The following TRAFD1 variants were observed in gnomAD, a reference collection of about 807,000 sequenced individuals.
The protein encoded by TRAFD1 is TRAF-type zinc finger domain-containing protein 1.
A neutral mutation model predicts 65.3 loss-of-function variants in TRAFD1; 38 were observed. The ratio of observed to expected loss-of-function variants is 0.58; its 90% CI spans 0.45 to 0.76. The LOEUF is 0.76. Ranked by LOEUF, TRAFD1 falls within the 30% of genes least tolerant of loss-of-function variation. TRAFD1 has a pLI of 0.00. For missense variants in TRAFD1, 631 were observed against 712.6 expected, an observed-to-expected ratio of 0.89 and a Z score of 1.30; for synonymous variants, 223 against 257.2, an observed-to-expected ratio of 0.87 and a Z score of 1.27.
intron 9 of TRAFD1, 149 bp from the exon 10 acceptor site, chr12:112,151,651 GC>G: frequency 1.4e-6 from 1 of 698,370 alleles, no homozygotes; most frequent in Non-Finnish European, 2.3e-6. Context: ...CCGCACCTCG[GC>G]CTCCCAAAGT....
intron 8 of TRAFD1, 116 bp downstream of exon 8, chr12:112,148,420 C>G: frequency 1.1e-6 from 1 of 875,076 alleles, no homozygotes; most frequent in East Asian, 2.5e-5. Flanking sequence ...GGAATGCACA[C>G]ACTTGGCTTC....
At chr12:112,149,901 C>T (rs560665923) in intron 9 of TRAFD1, 30 bp downstream of exon 9, 13 of 1,612,790 alleles carry the variant, frequency 8.1e-6, no homozygotes, top group East Asian at 6.7e-5. Context: ...CAGCCAAGGC[C>T]GCAGGTCTAC....
intron 6 of TRAFD1, among the ~76,000 whole-genome samples, 170 bp from the exon 7 acceptor site, chr12:112,145,416 T>G (rs2030210889): frequency 6.6e-6 from 1 of 152,162 alleles, no homozygotes; most frequent in Non-Finnish European, 1.5e-5. Flanking sequence ...GGCCTAGAGT[T>G]TATCTCTTGG....
chr12:112,151,097 G>A (rs1205457973), intron 9 of TRAFD1, among the ~76,000 whole-genome samples: 1 of 151,768 alleles, frequency 6.6e-6, no homozygotes, highest in Non-Finnish European at 1.5e-5. Context: ...AATTAGCCGG[G>A]CGTGGTGGCG....
rs1461362041 is a variant in TRAFD1, at chr12:112,137,084, G to A, written c.237+2018G>A. ...CTAAAAATACAAAAATTAGCTGGGC[G>A]TGGATACGCACGTCTGAAATCCCAG... is the stretch of plus-strand genomic sequence containing the variant. On this transcript the variant is annotated intron_variant, in intron 4 of 11. Transcript: ENST00000412615. The surrounding 1 kb of genome is among the most constrained non-coding windows in gnomAD (Gnocchi z 4.2). Among the ~76,000 whole-genome samples, 3 of 152,258 alleles carry A rather than the reference G, an allele frequency of 2.0e-5. No individual in the cohort carries two copies. The highest frequency in any genetic ancestry group is 2.1e-4 in the South Asian group (1 of 4,828).
intron 8 of TRAFD1, among the ~76,000 whole-genome samples, chr12:112,148,813 A>G (rs895357672): frequency 6.6e-6 from 1 of 152,190 alleles, no homozygotes; most frequent in Non-Finnish European, 1.5e-5. Context: ...TTTCTGCCCA[A>G]TCGTATATGT....
rs1191221362 is a variant in TRAFD1 at position 112,130,141 on chromosome 12, TG to T, written c.-12-369del. ...CCATGCCTGGGTAATTTTTTTTTTT[TG>T]TATTTTTTGTAGACATGACGTTACC... On this transcript the variant is annotated intron_variant, in intron 1 of 11. Coordinates refer to ENST00000412615, the MANE Select transcript of TRAFD1 (RefSeq NM_006700.3). This position sits in a 1 kb window ranked among gnomAD's most constrained non-coding sequence, Gnocchi z 4.4. Among the ~76,000 whole-genome samples, 1 of 151,374 alleles carries T rather than the reference TG, an allele frequency of 6.6e-6. No homozygotes were observed. The highest frequency in any genetic ancestry group is 1.5e-5 in the Non-Finnish European group (1 of 67,896).
At chr12:112,126,083 A>T (rs1480425416) in intron 1 of TRAFD1, 1 of 152,264 alleles carries the variant, frequency 6.6e-6, no homozygotes, top group Admixed American at 6.5e-5. Context: ...CCGCTTTCGT[A>T]GCCTCTAAAG....
chr12:112,151,885 T>C lies in TRAFD1; in HGVS notation c.1364T>C (p.Ile455Thr). The change falls in exon 10 of 12, where the codon ATT (isoleucine) becomes ACT (threonine). Residue 455 changes from isoleucine to threonine, a missense_variant. Coordinates refer to ENST00000412615, the MANE Select transcript of TRAFD1 (RefSeq NM_006700.3). Reference protein sequence around the residue: ...PTSCLPPSRPINNMTATYNQL... With the variant: ...PTSCLPPSRPTNNMTATYNQL... Reference sequence around the variant, plus strand: ...TCCTGTCTGCCTCCCAGCCGACCCATTAACAATATGACAGCTACCTATAAC... The same window carrying C: ...TCCTGTCTGCCTCCCAGCCGACCCACTAACAATATGACAGCTACCTATAAC... 1 of 1,614,148 alleles carries C rather than the reference T, an allele frequency of 6.2e-7. No individual in the cohort carries two copies. Among genetic ancestry groups the C allele is most frequent in the Non-Finnish European group, 8.5e-7 (1 of 1,180,020 alleles).
At position 112,137,812 on chromosome 12, in the gene TRAFD1, T is replaced by C. The variant is rs1019186309; in HGVS notation, c.237+2746T>C. On this transcript the variant is annotated intron_variant, in intron 4 of 11. Transcript: ENST00000412615. This position sits in a 1 kb window ranked among gnomAD's most constrained non-coding sequence, Gnocchi z 4.2. ...AAATAAAAATCCAAACAGCTGTTTA[T>C]ATGGTAGTTATAGAAGAGTGGATAT... Among the ~76,000 whole-genome samples the C allele has an allele frequency of 6.6e-6, 1 of 152,106 alleles. No individual in the cohort carries two copies.
chr12:112,137,756 C>T lies in TRAFD1; in HGVS notation c.237+2690C>T, dbSNP rs1273927458. Among the ~76,000 whole-genome samples the T allele has an allele frequency of 2.0e-5, 3 of 151,626 alleles. No individual in the cohort carries two copies. The highest frequency in any genetic ancestry group is 4.2e-4 in the South Asian group (2 of 4,804). On this transcript the variant is annotated intron_variant, in intron 4 of 11. Transcript: ENST00000412615. This position sits in a 1 kb window ranked among gnomAD's most constrained non-coding sequence, Gnocchi z 4.2. The stretch of plus-strand genomic sequence containing the variant: ...CAGTCAGGGCGACAGAGCGAGACTC[C>T]GTCTAAAAAAATAAATAAATAAAAA...
At chr12:112,142,885 G>A (rs1427221498) in intron 6 of TRAFD1, among the ~76,000 whole-genome samples, 1 of 151,992 alleles carries the variant, frequency 6.6e-6, no homozygotes, top group Non-Finnish European at 1.5e-5. Context: ...TATAGATGAG[G>A]AGTATATGGG....
At chr12:112,144,875 T>C (rs2136978408) in intron 6 of TRAFD1, among the ~76,000 whole-genome samples, 1 of 151,906 alleles carries the variant, frequency 6.6e-6, no homozygotes, top group Non-Finnish European at 1.5e-5. Context: ...AGAAAAAAAA[T>C]CACAAATGCG....
chr12:112,135,089 C>T (rs772192722), intron 4 of TRAFD1, 23 bp downstream of exon 4: 14 of 1,613,900 alleles, frequency 8.7e-6, no homozygotes, highest in Middle Eastern at 1.6e-4. Flanking sequence ...AGTGAGTTAC[C>T]GTGGGCCCAG....
chr12:112,128,019 T>A (rs1029989012), intron 1 of TRAFD1, among the ~76,000 whole-genome samples: 2 of 150,624 alleles, frequency 1.3e-5, no homozygotes, highest in Non-Finnish European at 3.0e-5. Flanking sequence ...ATTGTCCTTT[T>A]TTTTTTTATT....
At chr12:112,141,418 G>A in intron 5 of TRAFD1, 194 bp downstream of exon 5, 2 of 656,292 alleles carry the variant, frequency 3.0e-6, no homozygotes, top group Non-Finnish European at 2.5e-6. Flanking sequence ...ATAATGGTGA[G>A]TATGATGACA....
At chr12:112,150,874 A>G (rs1424063399) in intron 9 of TRAFD1, among the ~76,000 whole-genome samples, 1 of 151,778 alleles carries the variant, frequency 6.6e-6, no homozygotes, top group African/African-American at 2.4e-5. Context: ...CAAACTTATT[A>G]TTATTACTTA....
Position 112,142,288 on chromosome 12 carries a change from C to T in TRAFD1, c.843C>T (p.Asp281=), listed in dbSNP as rs1338082806. The T allele has an allele frequency of 3.1e-6, 5 of 1,613,146 alleles. No individual in the cohort carries two copies. The highest frequency in any genetic ancestry group is 4.2e-6 in the Non-Finnish European group (5 of 1,179,292). ...ATGGCGGTCCCAGGTCTCTCAGTGA[C>T]ATAAAGGGTAGGCTTGCTTATTCTG... is the stretch of plus-strand genomic sequence containing the variant. ...QSHGGPRSLS[D]IKGAADEIML... is the part of the protein sequence containing the mutation. Residue 281 remains aspartate (D), a synonymous_variant, in exon 6 of 12, where the codon GAC becomes GAT. Coordinates refer to ENST00000412615, the MANE Select transcript of TRAFD1 (RefSeq NM_006700.3).
At chr12:112,134,971 T>C (rs1238800430) in intron 3 of TRAFD1, 42 bp from the exon 4 acceptor site, 2 of 1,614,166 alleles carry the variant, frequency 1.2e-6, no homozygotes, top group South Asian at 2.2e-5. Flanking sequence ...AATGAGCATA[T>C]TGTCCCAAAG....
Sources: gnomAD v4.1 joint callset for allele counts (sites outside exome capture counted in the v4.1 genomes callset) on GRCh38, gnomAD v4.1.1 for gene constraint, Gnocchi (gnomAD v3.1) non-coding constraint, MANE v1.5 for transcripts, NCBI Gene and HGNC (gene_info 2026-07-23, HGNC 2026-07-21) for gene names.